UBR3: variants seen among roughly 807,000 people sequenced by gnomAD.
The protein encoded by UBR3 is E3 ubiquitin-protein ligase UBR3.
In UBR3, 85 loss-of-function variants were observed where a neutral mutation model predicts 243.2. That is an observed-to-expected ratio of 0.35 (90% CI 0.29 to 0.42). The LOEUF is 0.42. Ranked by LOEUF, UBR3 falls within the 10% of genes least tolerant of loss-of-function variation. The pLI, the probability that UBR3 is intolerant of heterozygous loss-of-function variation, is 1.00. For missense variants in UBR3, 1,686 were observed against 2,300.8 expected, an observed-to-expected ratio of 0.73 and a Z score of 5.47; for synonymous variants, 748 against 799.8, an observed-to-expected ratio of 0.94 and a Z score of 1.09.
intron 30 of UBR3, among the ~76,000 whole-genome samples, chr2:170,018,407 A>G (rs1428488108): frequency 6.6e-6 from 1 of 152,136 alleles, no homozygotes; most frequent in Non-Finnish European, 1.5e-5. Flanking sequence ...CACATATAGC[A>G]TAGCTGCCGA....
intron 27 of UBR3, among the ~76,000 whole-genome samples, chr2:170,001,952 A>C (rs569342975): frequency 1.4e-5 from 2 of 148,090 alleles, no homozygotes; most frequent in East Asian, 3.9e-4. Flanking sequence ...AGAAAGAAAA[A>C]TTTTTTTCAC....
chr2:170,052,089 A>G (rs899927090), intron 32 of UBR3, among the ~76,000 whole-genome samples: 12 of 152,028 alleles, frequency 7.9e-5, no homozygotes, highest in South Asian at 2.1e-4. Flanking sequence ...TTAATTTTCT[A>G]CCTATCCAAG....
At chr2:169,903,136 A>T (rs1255804637) in intron 8 of UBR3, among the ~76,000 whole-genome samples, 2 of 152,198 alleles carry the variant, frequency 1.3e-5, no homozygotes, top group African/African-American at 2.4e-5. Context: ...TTAATTTTAC[A>T]CTGAATCATT....
At chr2:169,927,831 G>A (rs1383520193) in intron 17 of UBR3, among the ~76,000 whole-genome samples, 2 of 152,160 alleles carry the variant, frequency 1.3e-5, no homozygotes, top group African/African-American at 2.4e-5. Context: ...GGGTTTTTCT[G>A]TAGAATTTGG....
chr2:169,881,884 T>C (rs2083859299), intron 5 of UBR3, among the ~76,000 whole-genome samples: 1 of 132,056 alleles, frequency 7.6e-6, no homozygotes, highest in African/African-American at 2.8e-5. Flanking sequence ...TATAGGTATA[T>C]GTGTACATGT....
At chr2:170,061,582 C>G in intron 35 of UBR3, 139 bp downstream of exon 35, 1 of 1,005,088 alleles carries the variant, frequency 9.9e-7, no homozygotes, top group Non-Finnish European at 1.4e-6. Context: ...ATCCTCCTCC[C>G]TCAGCCCCTC....
intron 11 of UBR3, among the ~76,000 whole-genome samples, chr2:169,916,902 A>G (rs1243699952): frequency 6.7e-6 from 1 of 149,610 alleles, no homozygotes; most frequent in East Asian, 2.0e-4. Context: ...CCCCTCAATT[A>G]CCCCAGCAGT....
intron 3 of UBR3, among the ~76,000 whole-genome samples, chr2:169,876,366 CACT>C (rs2083610468): frequency 6.6e-6 from 1 of 152,174 alleles, no homozygotes; most frequent in Non-Finnish European, 1.5e-5. Flanking sequence ...AGGCGTGAGC[CACT>C]GCGCCTGGCA....
chr2:169,882,354 ATATATTATATAT>A (rs1242640100), intron 5 of UBR3, among the ~76,000 whole-genome samples: 5 of 26,932 alleles, frequency 1.9e-4, no homozygotes, highest in South Asian at 2.9e-3. Flanking sequence ...ATATGTAAAT[ATATATTATATAT>A]GTAAATATAT....
intron 1 of UBR3, among the ~76,000 whole-genome samples, chr2:169,848,732 G>C (rs1325447249): frequency 6.7e-6 from 1 of 148,390 alleles, no homozygotes; most frequent in Non-Finnish European, 1.5e-5. Context: ...TTGAGACAAA[G>C]AATTCTGTTG....
intron 1 of UBR3, among the ~76,000 whole-genome samples, chr2:169,866,780 A>G (rs1033822885): frequency 6.6e-6 from 1 of 152,234 alleles, no homozygotes; most frequent in Non-Finnish European, 1.5e-5. Context: ...TGGATGGGAC[A>G]CAGAGGCAAC....
intron 28 of UBR3, among the ~76,000 whole-genome samples, chr2:170,007,796 G>A (rs566639459): frequency 6.6e-5 from 10 of 152,156 alleles, no homozygotes; most frequent in East Asian, 1.9e-4. Flanking sequence ...CCCAGGAGCC[G>A]GAGGTTGCAG....
At chr2:169,968,368 C>A (rs979399144) in intron 24 of UBR3, among the ~76,000 whole-genome samples, 68 of 152,250 alleles carry the variant, frequency 4.5e-4, no homozygotes, top group African/African-American at 1.6e-3. Context: ...CCCTTCCCAG[C>A]GTCTGGTAAC....
chr2:169,840,987 C>T (rs1401698095), intron 1 of UBR3, among the ~76,000 whole-genome samples: 1 of 152,146 alleles, frequency 6.6e-6, no homozygotes, highest in Non-Finnish European at 1.5e-5. Flanking sequence ...ACAGTTCTAC[C>T]CTCAAGGCCC....
At chr2:169,921,393 G>A (rs2085691383) in intron 11 of UBR3, among the ~76,000 whole-genome samples, 1 of 152,136 alleles carries the variant, frequency 6.6e-6, no homozygotes, top group African/African-American at 2.4e-5. Context: ...TGGAATCCAA[G>A]GACTCTCAGT....
chr2:169,878,361 CA>C lies in UBR3; in HGVS notation c.989-148del, dbSNP rs34505529. Among the ~76,000 whole-genome samples, 149 of 118,612 alleles carry C rather than the reference CA, an allele frequency of 1.3e-3. 1 individual carries two copies. The highest frequency in any genetic ancestry group is 2.0e-3 in the African/African-American group (55 of 27,100). The allele number at this position is 118,612 out of a possible 152,430, so 77.8% of individuals were successfully genotyped here. The stretch of plus-strand genomic sequence containing the variant: ...GAGCAACAGAGCGAGAATCCCGTCT[CA>C]AAAAAAAAAAAAAAAGTTGGACTTT... On this transcript the variant is annotated intron_variant, in intron 4 of 38. Transcript: ENST00000272793.
intron 25 of UBR3, among the ~76,000 whole-genome samples, chr2:169,987,972 A>G (rs2089099120): frequency 1.3e-5 from 2 of 152,218 alleles, no homozygotes; most frequent in Admixed American, 1.3e-4. Flanking sequence ...AAAGAATCCA[A>G]TATGATGCCT....
At chr2:169,990,585 A>G (rs1274088466) in intron 25 of UBR3, among the ~76,000 whole-genome samples, 1 of 152,040 alleles carries the variant, frequency 6.6e-6, no homozygotes, top group Non-Finnish European at 1.5e-5. Context: ...TGAGATAGAA[A>G]CACAAAGGGA....
At chr2:170,036,746 C>A (rs74570969) in intron 31 of UBR3, among the ~76,000 whole-genome samples, 7,863 of 152,052 alleles carry the variant, frequency 0.052, 306 homozygotes, top group East Asian at 0.11. Flanking sequence ...AATATTAAAT[C>A]TTATTTTGTC....
Sources: allele counts gnomAD v4.1 joint callset (sites outside exome capture counted in the v4.1 genomes callset), GRCh38; gene constraint gnomAD v4.1.1; transcripts MANE v1.5; gene names NCBI Gene and HGNC (gene_info 2026-07-23, HGNC 2026-07-21).